ZNF558: variants seen among roughly 807,000 people sequenced by gnomAD.
ZNF558 encodes the protein zinc finger protein 558.
In ZNF558, 23 loss-of-function variants were observed where a neutral mutation model predicts 37.6. That is an observed-to-expected ratio of 0.61 (90% CI 0.44 to 0.87). The LOEUF (loss-of-function observed/expected upper bound fraction) is 0.87, where lower values mean the gene tolerates loss of function less well. Among genes scored for constraint, ZNF558 ranks in the 40% least tolerant of loss-of-function variants. ZNF558 has a pLI of 0.00. For synonymous variants in ZNF558, 189 were observed against 174.4 expected (o/e 1.08, Z -0.66); for missense variants, 429 against 483.7 (o/e 0.89, Z 1.06).
At chr19:8,826,527 G>C (rs1005721116) in intron 2 of ZNF558, among the ~76,000 whole-genome samples, 1 of 151,998 alleles carries the variant, frequency 6.6e-6, no homozygotes, top group Non-Finnish European at 1.5e-5. Context: ...ATAGGGTTTG[G>C]GCTCCTATGA....
intron 7 of ZNF558, among the ~76,000 whole-genome samples, chr19:8,819,108 G>C (rs1264074655): frequency 6.6e-6 from 1 of 151,320 alleles, no homozygotes; most frequent in Non-Finnish European, 1.5e-5. Context: ...CTTGACTTGA[G>C]CAATGGTTTC....
At chr19:8,819,808 G>A (rs1488039796) in intron 7 of ZNF558, among the ~76,000 whole-genome samples, 2 of 152,072 alleles carry the variant, frequency 1.3e-5, no homozygotes, top group African/African-American at 4.8e-5. Flanking sequence ...AGGCATGGTG[G>A]CACATGCCTG....
In ZNF558 at chr19:8,813,160, CT is replaced by C. The variant is rs782535770; in HGVS notation, c.309del (p.Glu104ArgfsTer22). 2 of 1,598,256 alleles carry C rather than the reference CT, an allele frequency of 1.3e-6. No individual in the cohort carries two copies. Among genetic ancestry groups the C allele is most frequent in the South Asian group, 2.3e-5 (2 of 88,010 alleles). Reference protein sequence around the residue: ...SQLEQDKKVVTEERGILPSTC... With the variant: ...SQLEQDKKVVXEERGILPSTC... Reference sequence around the variant, plus strand: ...GTGCTTGGTAGAATTCCTCTTTCCTCTGTCACCACCTTCTTGTCTTGTTCCA... The same window carrying C: ...GTGCTTGGTAGAATTCCTCTTTCCTCGTCACCACCTTCTTGTCTTGTTCCA... On this transcript the variant is annotated frameshift_variant, in exon 8 of 10. Coordinates refer to ENST00000601372, the MANE Select transcript of ZNF558 (RefSeq NM_144693.3). LOFTEE classifies it high-confidence loss of function.
upstream of ZNF558, chr19:8,833,411 C>T (rs1403494969): frequency 2.6e-5 from 4 of 152,180 alleles, no homozygotes; most frequent in Non-Finnish European, 4.4e-5. Flanking sequence ...CACGGTCTTT[C>T]AGTTCTTTTG....
At chr19:8,831,101 G>A (rs540986968) in intron 2 of ZNF558, 1 of 152,256 alleles carries the variant, frequency 6.6e-6, no homozygotes, top group East Asian at 1.9e-4. Context: ...TTGTATGTTT[G>A]TTTTGTGGAT....
chr19:8,819,938 T>G (rs917551201), intron 7 of ZNF558, among the ~76,000 whole-genome samples: 1 of 152,130 alleles, frequency 6.6e-6, no homozygotes, highest in Non-Finnish European at 1.5e-5. Flanking sequence ...AGAGGGAGAC[T>G]GTGTCAAAAC....
the ZNF558 span, among the ~76,000 whole-genome samples, chr19:8,837,826 C>T: frequency 6.6e-6 from 1 of 152,042 alleles, no homozygotes; most frequent in Non-Finnish European, 1.5e-5. Context: ...TATTTCATTC[C>T]ATATTTTGGT....
chr19:8,821,624 AT>A (rs1389769292), intron 6 of ZNF558: 10 of 1,328,354 alleles, frequency 7.5e-6, no homozygotes, highest in Non-Finnish European at 9.6e-6. Flanking sequence ...CTGTGATCTT[AT>A]TTCCCTCAAT....
At chr19:8,832,526 A>C (rs1244172055), upstream of ZNF558, 1 of 151,916 alleles carries the variant, frequency 6.6e-6, no homozygotes, top group East Asian at 1.9e-4. Context: ...AGCGGGGGTA[A>C]GGTTGGCCCT....
At chr19:8,827,941 T>C (rs1815960851) in intron 2 of ZNF558, among the ~76,000 whole-genome samples, 1 of 152,120 alleles carries the variant, frequency 6.6e-6, no homozygotes, top group South Asian at 2.1e-4. Flanking sequence ...TGGCAGCCTC[T>C]CTCCTGCTGC....
chr19:8,827,866 G>A (rs1402134410), intron 2 of ZNF558, among the ~76,000 whole-genome samples: 8 of 152,092 alleles, frequency 5.3e-5, no homozygotes, highest in Non-Finnish European at 7.4e-5. Flanking sequence ...GAGCCACTGC[G>A]CCCAGCTTCT....
intron 2 of ZNF558, among the ~76,000 whole-genome samples, chr19:8,829,811 G>A (rs1477377243): frequency 6.6e-6 from 1 of 152,188 alleles, no homozygotes; most frequent in East Asian, 1.9e-4. Context: ...CAAGAATGCT[G>A]TAGGAAAGCT....
intron 8 of ZNF558, 135 bp from the exon 9 acceptor site, chr19:8,812,778 T>G: frequency 1.8e-6 from 1 of 559,600 alleles, no homozygotes; most frequent in Non-Finnish European, 3.0e-6. Context: ...TATGAAAATT[T>G]TAGGTATTAA....
chr19:8,813,418 G>T (rs1294254151), intron 7 of ZNF558, among the ~76,000 whole-genome samples, 196 bp from the exon 8 acceptor site: 2 of 152,114 alleles, frequency 1.3e-5, no homozygotes, highest in Non-Finnish European at 2.9e-5. Flanking sequence ...AAGTGCAGTG[G>T]CATGATCTCG....
chr19:8,822,915 C>T lies in ZNF558; in HGVS notation c.-65-191G>A. ...ATGGAAAACTTGCCTTCCTCTGTCCCCAACACAACGACCAGTACCTCCCTG... is the reference window on the plus strand; with the variant it reads ...ATGGAAAACTTGCCTTCCTCTGTCCTCAACACAACGACCAGTACCTCCCTG... On this transcript the variant is annotated intron_variant, in intron 4 of 9. Transcript: ENST00000601372. The surrounding 1 kb of genome is among the most constrained non-coding windows in gnomAD (Gnocchi z 4.4). 1 of 570,504 alleles carries T rather than the reference C, an allele frequency of 1.8e-6. No individual in the cohort carries two copies. 35.3% of individuals were successfully genotyped at this position (570,504 alleles called of 1,614,324 possible).
At chr19:8,814,629 C>T (rs903224358) in intron 7 of ZNF558, among the ~76,000 whole-genome samples, 1 of 152,126 alleles carries the variant, frequency 6.6e-6, no homozygotes, top group African/African-American at 2.4e-5. Flanking sequence ...TTTTGGTGAC[C>T]TTCAGGCTCT....
intron 8 of ZNF558, among the ~76,000 whole-genome samples, chr19:8,812,899 C>T (rs1367087503): frequency 2.0e-5 from 3 of 152,148 alleles, no homozygotes; most frequent in African/African-American, 7.2e-5. Flanking sequence ...AGAGTTGCAT[C>T]TTTGTTTCTT....
intron 3 of ZNF558, among the ~76,000 whole-genome samples, chr19:8,824,623 C>T (rs1469360081): frequency 6.6e-6 from 1 of 152,150 alleles, no homozygotes; most frequent in Non-Finnish European, 1.5e-5. Context: ...CACCCTTCTG[C>T]CTCCTCCCAT....
chr19:8,813,176 G>T lies in ZNF558; in HGVS notation c.294C>A (p.Asp98Glu). ...CTCTTTCCTCTGTCACCACCTTCTT[G>T]TCTTGTTCCAACTGGGATATCAGAC... is the stretch of plus-strand genomic sequence containing the variant. The part of the protein sequence containing the change: ...KPSLISQLEQ[D>E]KKVVTEERGI... The change falls in exon 8 of 10, where the codon GAC becomes GAA. Residue 98 changes from aspartate (D) to glutamate (E), a missense_variant. Transcript: ENST00000601372. 6.2e-7 allele frequency: 1 copy of T among 1,600,106 alleles called. No individual in the cohort carries two copies. The highest frequency in any genetic ancestry group is 8.5e-7 in the Non-Finnish European group (1 of 1,172,740).
Sources: allele counts gnomAD v4.1 joint callset (sites outside exome capture counted in the v4.1 genomes callset), GRCh38; gene constraint gnomAD v4.1.1; non-coding constraint Gnocchi (gnomAD v3.1); transcripts MANE v1.5; gene names NCBI Gene and HGNC (gene_info 2026-07-23, HGNC 2026-07-21).